PDE3B: variants seen among roughly 807,000 people sequenced by gnomAD.
The protein encoded by PDE3B is phosphodiesterase 3B.
A neutral mutation model predicts 116.8 loss-of-function variants in PDE3B; 66 were observed. That is an observed-to-expected ratio of 0.56 (90% confidence interval 0.46 to 0.69). The LOEUF is 0.69. Ranked by LOEUF, PDE3B falls within the 30% of genes least tolerant of loss-of-function variation. The pLI, the probability that PDE3B is intolerant of heterozygous loss-of-function variation, is 0.00. For synonymous variants in PDE3B, 595 were observed against 533.6 expected (o/e 1.12, Z -1.59); for missense variants, 1,384 against 1,368.1 (o/e 1.01, Z -0.18).
At chr11:14,653,433 A>G (rs1853620689) in intron 1 of PDE3B, among the ~76,000 whole-genome samples, 1 of 152,068 alleles carries the variant, frequency 6.6e-6, no homozygotes, top group South Asian at 2.1e-4. Context: ...AAGAAAAAGT[A>G]CACAACAAAA....
intron 2 of PDE3B, 113 bp from the exon 3 acceptor site, chr11:14,786,324 A>G: frequency 1.4e-6 from 1 of 727,234 alleles, no homozygotes; most frequent in East Asian, 3.0e-5. Context: ...ATTAAAGTTC[A>G]CGGTTATTTG....
intron 1 of PDE3B, among the ~76,000 whole-genome samples, chr11:14,688,240 T>A (rs1325753662): frequency 6.6e-6 from 1 of 151,382 alleles, no homozygotes; most frequent in Non-Finnish European, 1.5e-5. Context: ...AATTAGAGAT[T>A]TGAATTTGAA....
chr11:14,682,730 T>G (rs1854748393), intron 1 of PDE3B, among the ~76,000 whole-genome samples: 1 of 152,094 alleles, frequency 6.6e-6, no homozygotes, highest in South Asian at 2.1e-4. Flanking sequence ...GATATTTTAT[T>G]AAGGATTTTT....
Position 14,843,964 on chromosome 11 carries a change from A to G in PDE3B, c.2458A>G (p.Met820Val). ...ELMALYVAAA[M>V]HDYDHPGRTN... ...GATGGCTCTATACGTGGCAGCTGCC[A>G]TGCATGATTATGATCACCCAGGGAG... is the stretch of plus-strand genomic sequence containing the variant. Residue 820 changes from methionine (M) to valine (V), a missense_variant, in exon 12 of 16, where the codon ATG (methionine) becomes GTG (valine). Coordinates refer to ENST00000282096, the MANE Select transcript of PDE3B (RefSeq NM_000922.4). 6 of 1,614,154 alleles carry G rather than the reference A, an allele frequency of 3.7e-6. No individual in the cohort carries two copies. The highest frequency in any genetic ancestry group is 5.1e-6 in the Non-Finnish European group (6 of 1,180,012).
chr11:14,810,436 C>G (rs372880570), intron 5 of PDE3B, among the ~76,000 whole-genome samples: 1 of 151,034 alleles, frequency 6.6e-6, no homozygotes, highest in African/African-American at 2.4e-5. Context: ...TTTGTTCTTG[C>G]GATAGTTTAC....
At position 14,718,380 on chromosome 11, in the gene PDE3B, A is replaced by G. The variant is rs61883640; in HGVS notation, c.979-53557A>G. ...AGATCAACGAGACAGAAAGTCAACA[A>G]GGATACCCAGGAATTGAACTCATCT... On this transcript the variant is annotated intron_variant, in intron 1 of 15. Coordinates refer to ENST00000282096, the MANE Select transcript of PDE3B (RefSeq NM_000922.4). Among the ~76,000 whole-genome samples the G allele has an allele frequency of 1.3e-3, 182 of 139,324 alleles. 3 individuals carry two copies. Among genetic ancestry groups the G allele is most frequent in the Admixed American group, 2.4e-3 (33 of 13,588 alleles). The allele number at this position is 139,324 out of a possible 152,430, so 91.4% of individuals were successfully genotyped here.
the PDE3B span, among the ~76,000 whole-genome samples, chr11:14,883,967 A>G: frequency 6.6e-6 from 1 of 152,104 alleles, no homozygotes; most frequent in African/African-American, 2.4e-5. Context: ...AATGCAAATC[A>G]AAACCATAAT....
chr11:14,850,914 C>T (rs553161031), intron 12 of PDE3B, among the ~76,000 whole-genome samples: 104 of 152,058 alleles, frequency 6.8e-4, no homozygotes, highest in African/African-American at 2.2e-3. Flanking sequence ...CTGCAAGCTC[C>T]GCCCCCCAGG....
rs547487664 is a variant in PDE3B at position 14,755,091 on chromosome 11, C to G, written c.979-16846C>G. ...ACTTGATAAATCCATCCTAAAGTTA[C>G]AAGGAATAACAGTTTAAATGCAAAA... On this transcript the variant is annotated intron_variant, in intron 1 of 15. Transcript: ENST00000282096. Among the ~76,000 whole-genome samples, 14 of 152,212 alleles carry G rather than the reference C, an allele frequency of 9.2e-5. No homozygotes were observed. The East Asian group carries it at 2.7e-3, about 29-fold the overall frequency.
chr11:14,760,467 A>G (rs1159701564), intron 1 of PDE3B, among the ~76,000 whole-genome samples: 1 of 152,204 alleles, frequency 6.6e-6, no homozygotes, highest in Non-Finnish European at 1.5e-5. Context: ...TCTGATTTAT[A>G]TTAATAATTG....
chr11:14,860,902 A>AT (rs1847935956), intron 13 of PDE3B, among the ~76,000 whole-genome samples: 2 of 130,796 alleles, frequency 1.5e-5, no homozygotes, highest in African/African-American at 5.3e-5. Context: ...ATACTTAATA[A>AT]ATACATATAT....
intron 1 of PDE3B, among the ~76,000 whole-genome samples, chr11:14,739,557 A>T (rs193080747): frequency 9.5e-4 from 144 of 152,304 alleles, no homozygotes; most frequent in African/African-American, 3.2e-3. Flanking sequence ...AACAGAGACA[A>T]TTTGACTTCC....
At chr11:14,869,386 A>G (rs574882860) in intron 15 of PDE3B, 75 bp from the exon 16 acceptor site, 1 of 1,215,154 alleles carries the variant, frequency 8.2e-7, no homozygotes, top group East Asian at 2.3e-5. Context: ...AGATACCTAG[A>G]ATAGGCACTT....
intron 1 of PDE3B, among the ~76,000 whole-genome samples, chr11:14,660,543 A>G (rs1853868582): frequency 6.6e-6 from 1 of 151,886 alleles, no homozygotes; most frequent in Non-Finnish European, 1.5e-5. Flanking sequence ...AGCTCTAGTC[A>G]TCTGCCCACC....
At position 14,644,411 on chromosome 11, in the gene PDE3B, G is replaced by C; in HGVS notation, c.336G>C (p.Leu112=). ...GGGCCGCCTGGCTGCGGACGCTGCT[G>C]AGCGTGTGTTCGCACAGCTTGAGCC... The part of the protein sequence containing the change: ...AAGAAWLRTL[L]SVCSHSLSPL... Residue 112 remains leucine (L), a synonymous_variant, in exon 1 of 16, where the codon CTG becomes CTC. Transcript: ENST00000282096. The C allele has an allele frequency of 6.2e-7, 1 of 1,610,006 alleles. No homozygotes were observed. Among genetic ancestry groups the C allele is most frequent in the Non-Finnish European group, 8.5e-7 (1 of 1,178,544 alleles).
chr11:14,892,189 C>T, the PDE3B span: 4 of 1,610,326 alleles, frequency 2.5e-6, no homozygotes, highest in Non-Finnish European at 3.4e-6. Context: ...CTCTTCAGCT[C>T]TCCAAAGCTT....
Position 14,653,183 on chromosome 11 carries a change from A to G in PDE3B, c.978+8130A>G, listed in dbSNP as rs550974280. On this transcript the variant is annotated intron_variant, in intron 1 of 15. Transcript: ENST00000282096. ...AATGGTTTTTTTTGGTGGAATCTTCAGGGTCTTAACTTAGTTTTTGATCCC... is the reference window on the plus strand; with the variant it reads ...AATGGTTTTTTTTGGTGGAATCTTCGGGGTCTTAACTTAGTTTTTGATCCC... 6.8e-4 allele frequency among the ~76,000 whole-genome samples: 104 copies of G among 152,234 alleles called. 1 individual carries two copies. The highest frequency in any genetic ancestry group is 6.2e-4 in the South Asian group (3 of 4,832).
rs138174937 is a variant in PDE3B, at chr11:14,705,559, T to C, written c.978+60506T>C. On this transcript the variant is annotated intron_variant, in intron 1 of 15. Transcript: ENST00000282096. ...GGAAATGTTTTGTATTTTAATTTTG[T>C]TGGTTGTCACACAGTTGTACAACAT... 1.9e-3 allele frequency among the ~76,000 whole-genome samples: 291 copies of C among 151,918 alleles called. 1 individual carries two copies. Among genetic ancestry groups the C allele is most frequent in the African/African-American group, 6.4e-3 (267 of 41,528 alleles).
Position 14,867,543 on chromosome 11 carries a change from C to T in PDE3B, c.2924C>T (p.Pro975Leu), listed in dbSNP as rs781876634. 1.9e-6 allele frequency: 3 copies of T among 1,613,808 alleles called. No individual in the cohort carries two copies. The highest frequency in any genetic ancestry group is 2.5e-6 in the Non-Finnish European group (3 of 1,179,792). The change falls in exon 15 of 16, where the codon CCA becomes CTA. Residue 975 changes from proline to leucine, a missense_variant. Pro to Leu is a moderately conservative substitution (Grantham distance 98). Around this residue, in one of 2 missense-constraint regions of PDE3B, gnomAD observed 428 missense variants for 561.4 expected, o/e 0.76. Coordinates refer to ENST00000282096, the MANE Select transcript of PDE3B (RefSeq NM_000922.4). ...GCAAATCTTGGTCTGCCCATCAGTC[C>T]ATTCATGGATCGTTCTTCTCCTCAA... ...EEANLGLPIS[P>L]FMDRSSPQLA...
Sources: allele counts gnomAD v4.1 joint callset (sites outside exome capture counted in the v4.1 genomes callset), GRCh38; gene constraint gnomAD v4.1.1; regional missense constraint gnomAD v4.1.1; transcripts MANE v1.5; gene names NCBI Gene and HGNC (gene_info 2026-07-23, HGNC 2026-07-21).